The following TTC28 variants were observed in gnomAD, a reference collection of about 807,000 sequenced individuals.
TTC28 encodes the protein tetratricopeptide repeat domain 28.
In TTC28, 61 loss-of-function variants were observed where a neutral mutation model predicts 198.0. That is an observed-to-expected ratio of 0.31 (90% CI 0.25 to 0.38). The LOEUF is 0.38. Ranked by LOEUF, TTC28 falls within the 10% of genes least tolerant of loss-of-function variation. TTC28 has a pLI of 1.00. For synonymous variants in TTC28, 1,171 were observed against 1,297.8 expected, an observed-to-expected ratio of 0.90 and a Z score of 2.10; for missense variants, 2,678 against 3,164.0, an observed-to-expected ratio of 0.85 and a Z score of 3.69.
intron 2 of TTC28, among the ~76,000 whole-genome samples, chr22:28,366,296 T>C (rs1325490560): frequency 1.3e-5 from 2 of 152,156 alleles, no homozygotes; most frequent in Non-Finnish European, 2.9e-5. Flanking sequence ...TAACACAATA[T>C]ATTTTCTTCT....
At chr22:28,066,322 T>TGC (rs199745308) in intron 12 of TTC28, among the ~76,000 whole-genome samples, 16 of 151,750 alleles carry the variant, frequency 1.1e-4, no homozygotes, top group South Asian at 6.3e-4. Flanking sequence ...TGTGTGTGTG[T>TGC]GCGCGCGCGC....
intron 6 of TTC28, among the ~76,000 whole-genome samples, chr22:28,152,931 T>C (rs565245106): frequency 6.6e-6 from 1 of 152,148 alleles, no homozygotes; most frequent in Non-Finnish European, 1.5e-5. Flanking sequence ...ACAAAAGTAA[T>C]TTTTTAAAAA....
intron 5 of TTC28, among the ~76,000 whole-genome samples, chr22:28,219,206 G>GA (rs574322374): frequency 8.8e-4 from 131 of 148,538 alleles, no homozygotes; most frequent in South Asian, 1.9e-3. Context: ...CAAAAATAAA[G>GA]AAAAAAAAAA....
chr22:28,258,202 C>T (rs762256378), intron 5 of TTC28, among the ~76,000 whole-genome samples: 35 of 152,062 alleles, frequency 2.3e-4, no homozygotes, highest in Admixed American at 7.9e-4. Context: ...AAAATGTGAA[C>T]AGGTTGAACG....
chr22:28,281,902 TC>T (rs574275741), intron 5 of TTC28, among the ~76,000 whole-genome samples: 18 of 152,150 alleles, frequency 1.2e-4, no homozygotes, highest in Non-Finnish European at 2.6e-4. Flanking sequence ...AATTTGGGGC[TC>T]CCCTACATGG....
At chr22:28,368,317 C>T (rs2046279787) in intron 2 of TTC28, among the ~76,000 whole-genome samples, 1 of 151,986 alleles carries the variant, frequency 6.6e-6, no homozygotes, top group South Asian at 2.1e-4. Context: ...TCAATTGATG[C>T]TGGAAAAGCA....
chr22:27,983,911 C>G, intron 22 of TTC28, 60 bp from the exon 23 acceptor site: 1 of 1,481,548 alleles, frequency 6.7e-7, no homozygotes, highest in Non-Finnish European at 9.0e-7. Context: ...TTTGATTTTT[C>G]TTTCAAAATT....
In TTC28 at chr22:28,211,841, C is replaced by A. The variant is rs1033689100; in HGVS notation, c.934-48242G>T. Among the ~76,000 whole-genome samples, 32 of 152,138 alleles carry A rather than the reference C, an allele frequency of 2.1e-4. 2 individuals carry two copies. ...AACAGAATATACATTCTTCTCAGCA[C>A]CATATCGCACTTATTCCAAAATTGA... is the stretch of plus-strand genomic sequence containing the variant. On this transcript the variant is annotated intron_variant, in intron 5 of 22. Coordinates refer to ENST00000397906, the MANE Select transcript of TTC28 (RefSeq NM_001145418.2).
chr22:28,156,352 A>T (rs985466729), intron 6 of TTC28, among the ~76,000 whole-genome samples: 4 of 152,358 alleles, frequency 2.6e-5, no homozygotes, highest in African/African-American at 9.6e-5. Context: ...AAGGAGGAAG[A>T]TGGCAGCTGA....
chr22:28,479,916 T>A (rs1193985518), intron 2 of TTC28, among the ~76,000 whole-genome samples: 1 of 152,138 alleles, frequency 6.6e-6, no homozygotes, highest in Non-Finnish European at 1.5e-5. Context: ...AAAATGAAAC[T>A]GATTCATATT....
chr22:28,017,583 C>T (rs776741154), intron 13 of TTC28, among the ~76,000 whole-genome samples: 3 of 152,144 alleles, frequency 2.0e-5, no homozygotes, highest in Non-Finnish European at 4.4e-5. Context: ...GTACTTGGGG[C>T]AGTGAGTGTG....
At chr22:28,105,838 T>C in intron 7 of TTC28, 36 bp from the exon 8 acceptor site, 1 of 1,514,622 alleles carries the variant, frequency 6.6e-7, no homozygotes, top group Non-Finnish European at 8.8e-7. Flanking sequence ...ATGATATTAT[T>C]TCATGCAGGT....
intron 22 of TTC28, 98 bp downstream of exon 22, chr22:27,985,151 A>T: frequency 2.3e-6 from 2 of 874,068 alleles, no homozygotes; most frequent in Non-Finnish European, 3.5e-6. Context: ...ATGTTGATTC[A>T]CTTTTCTTCT....
At chr22:28,120,194 A>G (rs532836951) in intron 6 of TTC28, among the ~76,000 whole-genome samples, 1 of 152,312 alleles carries the variant, frequency 6.6e-6, no homozygotes, top group South Asian at 2.1e-4. Context: ...AAAATAGGCA[A>G]TTCTAGCTCT....
In TTC28 at chr22:27,980,345, G is replaced by A. The variant is rs1322556689; in HGVS notation, c.*1876C>T. The A allele has an allele frequency of 6.6e-6, 1 of 152,166 alleles. No individual in the cohort carries two copies. Among genetic ancestry groups the A allele is most frequent in the Non-Finnish European group, 1.5e-5 (1 of 68,036 alleles). The allele number at this position is 152,166 out of a possible 1,614,324, so 9.4% of individuals were successfully genotyped here. The stretch of plus-strand genomic sequence containing the variant: ...TCATAATTGCTGGCTTCTTTATAAA[G>A]TACTTCGCTTTCAGTGTTGGGATCA... On this transcript the variant is annotated 3_prime_UTR_variant, in exon 23 of 23. Transcript: ENST00000397906.
chr22:28,530,067 T>A (rs1039152927), intron 2 of TTC28, among the ~76,000 whole-genome samples: 1 of 152,156 alleles, frequency 6.6e-6, no homozygotes, highest in African/African-American at 2.4e-5. Context: ...ACTTCGACGG[T>A]TGAGAGAAGA....
chr22:28,550,482 A>G (rs1197284205), intron 2 of TTC28, among the ~76,000 whole-genome samples: 1 of 152,136 alleles, frequency 6.6e-6, no homozygotes, highest in East Asian at 1.9e-4. Context: ...ACTGCGATAT[A>G]CTATCCCTGT....
At position 28,306,480 on chromosome 22, in the gene TTC28, C is replaced by G. The variant is rs758349276; in HGVS notation, c.529+16G>C. On this transcript the variant is annotated intron_variant, in intron 3 of 22. Coordinates refer to ENST00000397906, the MANE Select transcript of TTC28 (RefSeq NM_001145418.2). ...CTTTAAATTAATGTTATACCAAGTA[C>G]TTTTATCATATTTACCTCTCATGGG... The G allele has an allele frequency of 6.5e-7, 1 of 1,545,490 alleles. No homozygotes were observed. The highest frequency in any genetic ancestry group is 1.2e-5 in the South Asian group (1 of 82,642).
intron 8 of TTC28, among the ~76,000 whole-genome samples, chr22:28,104,558 A>C (rs1383269180): frequency 6.6e-6 from 1 of 152,212 alleles, no homozygotes; most frequent in African/African-American, 2.4e-5. Flanking sequence ...AGAAAGCCTC[A>C]TCTCAATGTA....
Sources: gnomAD v4.1 joint callset for allele counts (sites outside exome capture counted in the v4.1 genomes callset) on GRCh38, gnomAD v4.1.1 for gene constraint, MANE v1.5 for transcripts, NCBI Gene and HGNC (gene_info 2026-07-23, HGNC 2026-07-21) for gene names.